Variants in PTPN2 observed in about 807,000 individuals in gnomAD.
PTPN2 encodes tyrosine-protein phosphatase non-receptor type 2.
In PTPN2, 19 loss-of-function variants were observed where a neutral mutation model predicts 57.3. The observed-to-expected ratio is 0.33, with a 90% CI of 0.23 to 0.49. The LOEUF is 0.49. Among genes scored for constraint, PTPN2 ranks in the 20% least tolerant of loss-of-function variants. The pLI, the probability that PTPN2 is intolerant of heterozygous loss-of-function variation, is 0.99. For missense variants in PTPN2, 358 were observed against 501.1 expected, an observed-to-expected ratio of 0.71 and a Z score of 2.73; for synonymous variants, 153 against 164.9, an observed-to-expected ratio of 0.93 and a Z score of 0.55.
chr18:12,814,463 GAAC>G (rs1362048189), intron 6 of PTPN2, 108 bp from the exon 7 acceptor site: 15 of 917,756 alleles, frequency 1.6e-5, no homozygotes, highest in South Asian at 9.0e-5. Context: ...TCCTCTGAAA[GAAC>G]AACGATAATT....
In PTPN2 at chr18:12,807,604, T is replaced by TATAA. The variant is rs753128305; in HGVS notation, c.859-5454_859-5453insTTAT. 1.7e-3 allele frequency among the ~76,000 whole-genome samples: 164 copies of TATAA among 95,506 alleles called. 10 individuals carry two copies. In the East Asian group the frequency reaches 0.04, roughly 23 times the overall value. 62.7% of individuals were successfully genotyped at this position (95,506 alleles called of 152,430 possible). A position where few individuals can be genotyped will look rare whatever the true frequency, so the allele number is the denominator to read the frequency against. ...AAAAAAAAATATATATATATATATA[T>TATAA]AATATAATACTATTTGGCCATTAAA... is the stretch of plus-strand genomic sequence containing the variant. On this transcript the variant is annotated intron_variant, in intron 7 of 8. Transcript: ENST00000309660.
rs1248119350 is a variant in PTPN2 at position 12,883,991 on chromosome 18, G to A, written c.69+82C>T. The A allele has an allele frequency of 3.2e-5, 41 of 1,265,688 alleles. No homozygotes were observed. In the East Asian group the frequency reaches 1.0e-3, roughly 32 times the overall value. The allele number at this position is 1,265,688 out of a possible 1,614,324, so 78.4% of individuals were successfully genotyped here. A position where few individuals can be genotyped will look rare whatever the true frequency, so the allele number is the denominator to read the frequency against. The stretch of plus-strand genomic sequence containing the variant: ...GAGAGGCTAGAGGCGAGAGGCGGGG[G>A]AGGCGGGAGGGACCCTGCGGACAGG... On this transcript the variant is annotated intron_variant, in intron 1 of 8. Coordinates refer to ENST00000309660, the MANE Select transcript of PTPN2 (RefSeq NM_002828.4).
intron 1 of PTPN2, among the ~76,000 whole-genome samples, chr18:12,866,594 T>C (rs2044002747): frequency 6.6e-6 from 1 of 152,306 alleles, no homozygotes; most frequent in Admixed American, 6.5e-5. Flanking sequence ...GGAGAATAAC[T>C]GTATGTACCC....
At chr18:12,802,576 C>G (rs796595798) in intron 7 of PTPN2, among the ~76,000 whole-genome samples, 16 of 152,120 alleles carry the variant, frequency 1.1e-4, no homozygotes, top group African/African-American at 3.6e-4. Context: ...TATAATAAAG[C>G]CATCAAAAGT....
chr18:12,866,915 G>A (rs1264223183), intron 1 of PTPN2, among the ~76,000 whole-genome samples: 1 of 151,882 alleles, frequency 6.6e-6, no homozygotes, highest in African/African-American at 2.4e-5. Context: ...TGAGGCAGGA[G>A]AATTGCTTGA....
chr18:12,826,112 A>G (rs544765745), intron 4 of PTPN2, among the ~76,000 whole-genome samples, 168 bp from the exon 5 acceptor site: 1 of 152,354 alleles, frequency 6.6e-6, no homozygotes, highest in South Asian at 2.1e-4. Flanking sequence ...AGTAAGATTG[A>G]AATTTTATAG....
chr18:12,883,228 G>C (rs916681323), intron 1 of PTPN2, among the ~76,000 whole-genome samples: 1 of 152,236 alleles, frequency 6.6e-6, no homozygotes, highest in Admixed American at 6.5e-5. Flanking sequence ...ACACATGAAA[G>C]CTGCGTTTCA....
At chr18:12,875,570 T>C (rs2044460362) in intron 1 of PTPN2, among the ~76,000 whole-genome samples, 1 of 152,188 alleles carries the variant, frequency 6.6e-6, no homozygotes, top group Non-Finnish European at 1.5e-5. Context: ...TCAACAGCTT[T>C]CCATTAAGAA....
At chr18:12,786,885 T>C (rs2040856978) in intron 9 of PTPN2, 1 of 152,194 alleles carries the variant, frequency 6.6e-6, no homozygotes, top group Non-Finnish European at 1.5e-5. Context: ...CAAGAAAACA[T>C]TCTCATTAGA....
chr18:12,791,716 T>G (rs908123565), downstream of PTPN2, among the ~76,000 whole-genome samples: 1 of 152,206 alleles, frequency 6.6e-6, no homozygotes, highest in African/African-American at 2.4e-5. Flanking sequence ...CTTAGAAGTG[T>G]ACCAACAAGT....
At chr18:12,819,394 G>T in intron 5 of PTPN2, 1 of 532,044 alleles carries the variant, frequency 1.9e-6, no homozygotes, top group Non-Finnish European at 3.3e-6. Context: ...CAGACTAAAG[G>T]CTATATACTA....
rs114544085 is a variant in PTPN2, at chr18:12,798,161, C to T, written c.1041-3676G>A. On this transcript the variant is annotated intron_variant, in intron 8 of 8. Transcript: ENST00000309660. ...AAATAGCATCACAACAGAGTAACCT[C>T]ACACACACACTTACATAGGTACACA... Among the ~76,000 whole-genome samples the T allele has an allele frequency of 4.0e-3, 611 of 152,230 alleles. 3 individuals carry two copies. The highest frequency in any genetic ancestry group is 0.014 in the African/African-American group (597 of 41,536).
At chr18:12,876,991 T>C (rs1446480161) in intron 1 of PTPN2, among the ~76,000 whole-genome samples, 2 of 152,194 alleles carry the variant, frequency 1.3e-5, no homozygotes, top group East Asian at 1.9e-4. Flanking sequence ...ATTAGGGCAG[T>C]GCTGAAACGA....
intron 3 of PTPN2, among the ~76,000 whole-genome samples, chr18:12,831,918 G>A (rs765893219): frequency 6.6e-5 from 10 of 152,172 alleles, no homozygotes; most frequent in African/African-American, 9.7e-5. Context: ...AAAAGCCTAT[G>A]TACAAATTTT....
chr18:12,813,092 C>G (rs2041951982), intron 7 of PTPN2, among the ~76,000 whole-genome samples: 1 of 151,832 alleles, frequency 6.6e-6, no homozygotes, highest in African/African-American at 2.4e-5. Context: ...AGTTACCCGT[C>G]TCATCACAGC....
At chr18:12,870,441 GTA>G (rs577107678) in intron 1 of PTPN2, among the ~76,000 whole-genome samples, 1,085 of 24,486 alleles carry the variant, frequency 0.044, 45 homozygotes, top group South Asian at 0.069. Flanking sequence ...ATATATATGT[GTA>G]TATATATATA....
chr18:12,821,908 T>C (rs1482329134), intron 5 of PTPN2, among the ~76,000 whole-genome samples: 1 of 152,150 alleles, frequency 6.6e-6, no homozygotes, highest in Non-Finnish European at 1.5e-5. Context: ...TCAGGTGTAA[T>C]GTGCTTAAAA....
At chr18:12,828,704 C>T (rs2042562832) in intron 4 of PTPN2, among the ~76,000 whole-genome samples, 1 of 152,080 alleles carries the variant, frequency 6.6e-6, no homozygotes, top group Non-Finnish European at 1.5e-5. Context: ...GCATATTGTT[C>T]CTTAGCTTTT....
intron 1 of PTPN2, among the ~76,000 whole-genome samples, chr18:12,861,723 G>A (rs965553274): frequency 2.6e-5 from 4 of 152,126 alleles, no homozygotes; most frequent in Non-Finnish European, 4.4e-5. Context: ...ATATAGATTT[G>A]CAGGGAGGGG....
Sources: gnomAD v4.1 joint callset for allele counts (sites outside exome capture counted in the v4.1 genomes callset) on GRCh38, gnomAD v4.1.1 for gene constraint, MANE v1.5 for transcripts, NCBI Gene and HGNC (gene_info 2026-07-23, HGNC 2026-07-21) for gene names.